Variants in RBM6 observed in about 807,000 individuals in gnomAD.
RBM6 encodes RNA-binding protein 6.
Under a neutral mutation model 140.4 loss-of-function variants are expected in RBM6, and 23 were observed. The ratio of observed to expected loss-of-function variants is 0.16; its 90% CI spans 0.12 to 0.23. The LOEUF is 0.23. RBM6 is among the 10% of genes least tolerant of loss of function. The pLI is 1.00. For missense variants in RBM6, 1,139 were observed against 1,386.7 expected, an observed-to-expected ratio of 0.82 and a Z score of 2.84; for synonymous variants, 439 against 475.6, an observed-to-expected ratio of 0.92 and a Z score of 1.00.
At position 50,048,286 on chromosome 3, in the gene RBM6, T is replaced by C; in HGVS notation, c.1599T>C (p.Tyr533=). 1 of 1,613,372 alleles carries C rather than the reference T, an allele frequency of 6.2e-7. No homozygotes were observed. Among genetic ancestry groups the C allele is most frequent in the Middle Eastern group, 1.6e-4 (1 of 6,062 alleles). ...AGGACAAAGAAGTTACCCTGGAGTA[T>C]GTATCAAGCCTGGATTTTTGGTACT... ...MIQDKEVTLE[Y]VSSLDFWYCK... The change falls in exon 7 of 21, where the codon TAT becomes TAC. Residue 533 remains tyrosine, a synonymous_variant. Coordinates refer to ENST00000266022, the MANE Select transcript of RBM6 (RefSeq NM_005777.3).
At position 50,077,205 on chromosome 3, in the gene RBM6, T is replaced by C; in HGVS notation, c.*72T>C. 1 of 1,475,950 alleles carries C rather than the reference T, an allele frequency of 6.8e-7. No homozygotes were observed. The highest frequency in any genetic ancestry group is 9.1e-7 in the Non-Finnish European group (1 of 1,099,732). The allele number at this position is 1,475,950 out of a possible 1,614,324, so 91.4% of individuals were successfully genotyped here. On this transcript the variant is annotated 3_prime_UTR_variant, in exon 21 of 21. Coordinates refer to ENST00000266022, the MANE Select transcript of RBM6 (RefSeq NM_005777.3). Reference sequence around the variant, plus strand: ...TGTCTCTCCTTTTCTTTTGTTACTGTTCTTGCTGCTAGAACTTTTTTAAAT... The same window carrying C: ...TGTCTCTCCTTTTCTTTTGTTACTGCTCTTGCTGCTAGAACTTTTTTAAAT...
At chr3:49,972,260 C>A in intron 4 of RBM6, 112 bp downstream of exon 4, 1 of 808,246 alleles carries the variant, frequency 1.2e-6, no homozygotes, top group Non-Finnish European at 1.9e-6. Flanking sequence ...ACAGAGAAGT[C>A]TTGTGTATTT....
intron 1 of RBM6, among the ~76,000 whole-genome samples, chr3:49,961,724 G>T (rs2084289921): frequency 6.6e-6 from 1 of 151,898 alleles, no homozygotes. Context: ...GCTCGAACCG[G>T]GGAGGCAGAG....
At chr3:49,989,927 A>G (rs896029086) in intron 5 of RBM6, among the ~76,000 whole-genome samples, 13 of 151,888 alleles carry the variant, frequency 8.6e-5, no homozygotes, top group Non-Finnish European at 1.8e-4. Context: ...TTGTATTTTT[A>G]GTAGAGATGA....
intron 1 of RBM6, among the ~76,000 whole-genome samples, chr3:49,952,886 C>G (rs2083801069): frequency 6.6e-6 from 1 of 152,114 alleles, no homozygotes; most frequent in South Asian, 2.1e-4. Flanking sequence ...CACAAATTTT[C>G]TCCCATTCTG....
intron 1 of RBM6, among the ~76,000 whole-genome samples, chr3:49,945,167 G>C (rs1052572824): frequency 6.8e-6 from 1 of 146,366 alleles, no homozygotes; most frequent in East Asian, 2.0e-4. Flanking sequence ...GAGCCACCGC[G>C]CCCGGCCAAT....
At chr3:50,047,538 C>T (rs2089279486) in intron 6 of RBM6, among the ~76,000 whole-genome samples, 2 of 152,192 alleles carry the variant, frequency 1.3e-5, no homozygotes, top group South Asian at 4.1e-4. Flanking sequence ...CTGTGCCAGA[C>T]TTTCCCAAAG....
chr3:49,944,217 A>G (rs149272960), intron 1 of RBM6, among the ~76,000 whole-genome samples: 2 of 152,232 alleles, frequency 1.3e-5, no homozygotes, highest in Non-Finnish European at 2.9e-5. Context: ...TGACTACTCT[A>G]GGTATCTCAT....
At chr3:50,075,410 C>T in intron 20 of RBM6, 80 bp downstream of exon 20, 1 of 1,544,762 alleles carries the variant, frequency 6.5e-7, no homozygotes, top group East Asian at 2.3e-5. Context: ...AGAGTGATGT[C>T]TTTGCCATTT....
intron 15 of RBM6, among the ~76,000 whole-genome samples, chr3:50,063,608 AAAAG>A (rs1379477246): frequency 2.6e-5 from 4 of 151,602 alleles, no homozygotes; most frequent in Non-Finnish European, 5.9e-5. Flanking sequence ...AAAAAAAAAA[AAAAG>A]AAAATCTGCC....
chr3:49,943,611 T>A (rs1366947497), intron 1 of RBM6, among the ~76,000 whole-genome samples: 1 of 152,006 alleles, frequency 6.6e-6, no homozygotes, highest in Non-Finnish European at 1.5e-5. Flanking sequence ...ATCTGGCCCA[T>A]AATTTTTTTA....
At chr3:49,993,508 G>C (rs1274761632) in intron 5 of RBM6, among the ~76,000 whole-genome samples, 10 of 152,090 alleles carry the variant, frequency 6.6e-5, no homozygotes, top group African/African-American at 2.2e-4. Flanking sequence ...TGGGCATGGT[G>C]GCGCATGCCT....
At chr3:49,994,581 A>G (rs1316231558) in intron 5 of RBM6, among the ~76,000 whole-genome samples, 1 of 152,152 alleles carries the variant, frequency 6.6e-6, no homozygotes, top group Non-Finnish European at 1.5e-5. Flanking sequence ...GACCTCTTCA[A>G]TCTATTGATG....
At chr3:50,000,083 G>A (rs1382272841) in intron 6 of RBM6, among the ~76,000 whole-genome samples, 6 of 152,158 alleles carry the variant, frequency 3.9e-5, no homozygotes, top group Admixed American at 6.5e-5. Flanking sequence ...CCTTGGCTGC[G>A]TATAGTCAGA....
intron 10 of RBM6, 27 bp downstream of exon 10, chr3:50,058,589 C>G (rs1459033256): frequency 1.3e-6 from 2 of 1,571,502 alleles, no homozygotes; most frequent in South Asian, 2.2e-5. Context: ...TTGGATTGGC[C>G]TAGAGACAGA....
At chr3:49,979,839 G>C (rs903102382) in intron 5 of RBM6, among the ~76,000 whole-genome samples, 3 of 152,150 alleles carry the variant, frequency 2.0e-5, no homozygotes, top group Non-Finnish European at 4.4e-5. Flanking sequence ...ATTGGAAATA[G>C]TGGTGGCCAG....
At position 50,072,971 on chromosome 3, in the gene RBM6, C is replaced by T. The variant is rs530759867; in HGVS notation, c.3117-2230C>T. Among the ~76,000 whole-genome samples the T allele has an allele frequency of 1.6e-4, 25 of 152,284 alleles. 1 individual carries two copies. The South Asian group carries it at 5.2e-3, about 32-fold the overall frequency. On this transcript the variant is annotated intron_variant, in intron 19 of 20. Transcript: ENST00000266022. ...CCTTTTCTGGATAAATCCAGGTGTTCTCTAGGACTCTTCTCTCAGTGCTTC... is the reference window on the plus strand; with the variant it reads ...CCTTTTCTGGATAAATCCAGGTGTTTTCTAGGACTCTTCTCTCAGTGCTTC...
At chr3:49,971,300 C>A (rs1210284375) in intron 3 of RBM6, among the ~76,000 whole-genome samples, 1 of 148,842 alleles carries the variant, frequency 6.7e-6, no homozygotes, top group African/African-American at 2.5e-5. Flanking sequence ...CCAAAACCAG[C>A]CAGGTGTGGA....
intron 5 of RBM6, among the ~76,000 whole-genome samples, chr3:49,998,517 G>T (rs1218820933): frequency 6.6e-6 from 1 of 152,130 alleles, no homozygotes; most frequent in East Asian, 1.9e-4. Context: ...TCACATGGTG[G>T]CAGTGTCAGG....
Sources: gnomAD v4.1 joint callset for allele counts (sites outside exome capture counted in the v4.1 genomes callset) on GRCh38, gnomAD v4.1.1 for gene constraint, MANE v1.5 for transcripts, NCBI Gene and HGNC (gene_info 2026-07-23, HGNC 2026-07-21) for gene names.